The following PXK variants were observed in gnomAD, a reference collection of about 807,000 sequenced individuals.
PXK encodes PX domain-containing protein kinase-like protein.
Under a neutral mutation model 84.7 loss-of-function variants are expected in PXK, and 35 were observed. The ratio of observed to expected loss-of-function variants is 0.41; its 90% CI spans 0.32 to 0.55. PXK has a LOEUF of 0.55. PXK is among the 20% of genes least tolerant of loss of function. PXK has a pLI of 0.21. For synonymous variants in PXK, 253 were observed against 260.8 expected (o/e 0.97, Z 0.29); for missense variants, 634 against 699.7 (o/e 0.91, Z 1.06).
chr3:58,388,551 C>T (rs1172367937), intron 4 of PXK, among the ~76,000 whole-genome samples: 1 of 152,148 alleles, frequency 6.6e-6, no homozygotes, highest in Non-Finnish European at 1.5e-5. Context: ...ACAAAGTTCC[C>T]AGTGTTGATA....
Position 58,412,434 on chromosome 3 carries a change from GCTGATAAAATGGAA to G in PXK, c.1466-464_1466-451del, listed in dbSNP as rs2060336304. ...TGACCCTATCTAGTTGATTCTACCT[GCTGATAAAATGGAA>G]CTTCGGCAGAATGCGTTACTGGGTG... On this transcript the variant is annotated intron_variant, in intron 16 of 17. Transcript: ENST00000356151. This position sits in a 1 kb window ranked among gnomAD's most constrained non-coding sequence, Gnocchi z 6.2. 6.6e-6 allele frequency among the ~76,000 whole-genome samples: 1 copy of G among 152,110 alleles called. No individual in the cohort carries two copies. The highest frequency in any genetic ancestry group is 1.5e-5 in the Non-Finnish European group (1 of 68,020).
chr3:58,420,661 G>C (rs991770783), intron 17 of PXK: 2 of 1,524,160 alleles, frequency 1.3e-6, no homozygotes, highest in African/African-American at 2.8e-5. Context: ...CTGAAGTGAT[G>C]AACAAGTGGG....
intron 1 of PXK, among the ~76,000 whole-genome samples, chr3:58,363,872 G>GT: frequency 6.6e-6 from 1 of 152,174 alleles, no homozygotes; most frequent in South Asian, 2.1e-4. Flanking sequence ...TCAGCTGTAG[G>GT]TTTTTTGTAG....
At chr3:58,423,506 TCTATTGTAAGA>T (rs2062273719) in intron 17 of PXK, 1 of 1,535,512 alleles carries the variant, frequency 6.5e-7, no homozygotes, top group South Asian at 1.2e-5. Context: ...TAAGTGATTT[TCTATTGTAAGA>T]CTTTAACCCA....
Position 58,397,089 on chromosome 3 carries a change from C to A in PXK, c.873C>A (p.Ala291=), listed in dbSNP as rs917741079. Residue 291 remains alanine, a synonymous_variant, in exon 10 of 18, where the codon GCC becomes GCA. Coordinates refer to ENST00000356151, the MANE Select transcript of PXK (RefSeq NM_017771.5). The surrounding 1 kb of genome is among the most constrained non-coding windows in gnomAD (Gnocchi z 4.7). ...DKGFPYGHLH[A]SNVMLDGDTC... ...GATTCCCTTATGGGCATCTTCACGC[C>A]TCCAATGTGATGCTCGATGGGGACA... The A allele has an allele frequency of 1.5e-5, 25 of 1,614,050 alleles. No homozygotes were observed. Among genetic ancestry groups the A allele is most frequent in the Non-Finnish European group, 2.0e-5 (24 of 1,180,004 alleles).
chr3:58,397,325 G>C lies in PXK; in HGVS notation c.984+125G>C. 5.1e-6 allele frequency: 6 copies of C among 1,187,870 alleles called. No homozygotes were observed. Among genetic ancestry groups the C allele is most frequent in the Non-Finnish European group, 7.2e-6 (6 of 831,942 alleles). The allele number at this position is 1,187,870 out of a possible 1,614,324, so 73.6% of individuals were successfully genotyped here. On this transcript the variant is annotated intron_variant, in intron 10 of 17. Transcript: ENST00000356151. This position sits in a 1 kb window ranked among gnomAD's most constrained non-coding sequence, Gnocchi z 4.7. ...TAGTTGGGACAGGCCTTGCCCGTCA[G>C]CCCTTGCAGCGTTGCTGTATCTCTG...
At chr3:58,384,561 A>C (rs934989215) in intron 4 of PXK, among the ~76,000 whole-genome samples, 1 of 152,172 alleles carries the variant, frequency 6.6e-6, no homozygotes. Context: ...AATTCTGTCA[A>C]AGTAGCATCT....
chr3:58,390,246 C>G lies in PXK; in HGVS notation c.389-336C>G, dbSNP rs2098612713. Among the ~76,000 whole-genome samples the G allele has an allele frequency of 6.6e-6, 1 of 152,000 alleles. No individual in the cohort carries two copies. Among genetic ancestry groups the G allele is most frequent in the African/African-American group, 2.4e-5 (1 of 41,406 alleles). Reference sequence around the variant, plus strand: ...GTACAGAAAATTGCCATATACTTCTCACCCAGTTTCTCCTAATGTTAATAT... The same window carrying G: ...GTACAGAAAATTGCCATATACTTCTGACCCAGTTTCTCCTAATGTTAATAT... On this transcript the variant is annotated intron_variant, in intron 4 of 17. Coordinates refer to ENST00000356151, the MANE Select transcript of PXK (RefSeq NM_017771.5). This position sits in a 1 kb window ranked among gnomAD's most constrained non-coding sequence, Gnocchi z 4.2.
intron 17 of PXK, among the ~76,000 whole-genome samples, chr3:58,419,417 A>T (rs763776814): frequency 2.6e-5 from 4 of 152,128 alleles, no homozygotes; most frequent in Non-Finnish European, 4.4e-5. Context: ...ATGCCCAGCT[A>T]CTTTTTTGTA....
chr3:58,422,174 A>G (rs2061987316), intron 17 of PXK: 1 of 985,272 alleles, frequency 1.0e-6, no homozygotes, highest in Non-Finnish European at 1.2e-6. Context: ...CCAAAAGGAA[A>G]AGCCAAAAAC....
intron 3 of PXK, among the ~76,000 whole-genome samples, chr3:58,372,215 A>G (rs981640973): frequency 2.6e-5 from 4 of 152,192 alleles, no homozygotes; most frequent in Non-Finnish European, 4.4e-5. Flanking sequence ...ATTATAGGTT[A>G]TGTCTTTTTC....
chr3:58,386,289 A>ATTTTTTTTTTTTTT (rs2098549912), intron 4 of PXK, among the ~76,000 whole-genome samples: 2 of 43,466 alleles, frequency 4.6e-5, no homozygotes, highest in African/African-American at 7.1e-5. Context: ...TATCCCCCTT[A>ATTTTTTTTTTTTTT]CTTTTTTTTT....
At chr3:58,371,614 A>AG (rs1478141575) in intron 3 of PXK, among the ~76,000 whole-genome samples, 3 of 152,288 alleles carry the variant, frequency 2.0e-5, no homozygotes, top group Non-Finnish European at 2.9e-5. Context: ...GAGGGTGGGG[A>AG]GGGGAGTTTT....
intron 3 of PXK, among the ~76,000 whole-genome samples, chr3:58,375,691 C>T (rs557229308): frequency 2.3e-4 from 35 of 152,244 alleles, no homozygotes; most frequent in Admixed American, 1.0e-3. Context: ...TTAGGTGAAC[C>T]AGCATGTCTG....
In PXK at chr3:58,425,037, T is replaced by G. The variant is rs1576939710; in HGVS notation, c.*77T>G. On this transcript the variant is annotated 3_prime_UTR_variant, in exon 18 of 18. Transcript: ENST00000356151. ...CCTACCCCCCAAACTACCCTCTTCC[T>G]GGGAAAGTAATTGCTGAGCCAGTAC... The G allele has an allele frequency of 1.3e-6, 2 of 1,551,694 alleles. No individual in the cohort carries two copies.
rs1388648285 is a variant in PXK, at chr3:58,416,501, CCTT to C, written c.1528+3544_1528+3546del. On this transcript the variant is annotated intron_variant, in intron 17 of 17. Transcript: ENST00000356151. This position sits in a 1 kb window ranked among gnomAD's most constrained non-coding sequence, Gnocchi z 4.8. ...CTGCTTGGCCTCTCTGTACAGCTTTCCTTCTTCTAGGGTATGGGGCGTGTGTAG... is the reference window on the plus strand; with the variant it reads ...CTGCTTGGCCTCTCTGTACAGCTTTCCTTCTAGGGTATGGGGCGTGTGTAG... Among the ~76,000 whole-genome samples, 2 of 152,190 alleles carry C rather than the reference CCTT, an allele frequency of 1.3e-5. No individual in the cohort carries two copies. The highest frequency in any genetic ancestry group is 2.1e-4 in the South Asian group (1 of 4,824).
chr3:58,383,065 T>G lies in PXK; in HGVS notation c.388+365T>G, dbSNP rs886132248. Among the ~76,000 whole-genome samples the G allele has an allele frequency of 2.0e-5, 3 of 152,102 alleles. No individual in the cohort carries two copies. The highest frequency in any genetic ancestry group is 2.0e-4 in the Admixed American group (3 of 15,272). Reference sequence around the variant, plus strand: ...CCAGCACTTTGGGAGGCCAAGGCGGTTGGATCACCTGAGGTCAGGAGTTTG... The same window carrying G: ...CCAGCACTTTGGGAGGCCAAGGCGGGTGGATCACCTGAGGTCAGGAGTTTG... On this transcript the variant is annotated intron_variant, in intron 4 of 17. Coordinates refer to ENST00000356151, the MANE Select transcript of PXK (RefSeq NM_017771.5). The surrounding 1 kb of genome is among the most constrained non-coding windows in gnomAD (Gnocchi z 4.0).
intron 1 of PXK, among the ~76,000 whole-genome samples, chr3:58,345,650 A>G (rs1384645943): frequency 6.6e-6 from 1 of 152,232 alleles, no homozygotes; most frequent in Non-Finnish European, 1.5e-5. Flanking sequence ...ATACTGTGTA[A>G]TGGTAAAAAC....
At chr3:58,335,021 GT>G (rs2097567668) in intron 1 of PXK, among the ~76,000 whole-genome samples, 2 of 21,210 alleles carry the variant, frequency 9.4e-5, no homozygotes, top group East Asian at 5.4e-3. Context: ...CCAGGCTGGT[GT>G]GTGTGTGTGT....
Sources: gnomAD v4.1 joint callset for allele counts (sites outside exome capture counted in the v4.1 genomes callset) on GRCh38, gnomAD v4.1.1 for gene constraint, Gnocchi (gnomAD v3.1) non-coding constraint, MANE v1.5 for transcripts, NCBI Gene and HGNC (gene_info 2026-07-23, HGNC 2026-07-21) for gene names.